ARFGEF2: variants seen among roughly 807,000 people sequenced by gnomAD.
The protein encoded by ARFGEF2 is ARF guanine nucleotide exchange factor 2.
In ARFGEF2, 74 loss-of-function variants were observed where a neutral mutation model predicts 219.9. The observed-to-expected ratio is 0.34, with a 90% CI of 0.28 to 0.41. ARFGEF2 has a LOEUF of 0.41. ARFGEF2 is among the 10% of genes least tolerant of loss of function. The pLI is 1.00. For missense variants in ARFGEF2, 1,743 were observed against 2,218.3 expected, an observed-to-expected ratio of 0.79 and a Z score of 4.30; for synonymous variants, 733 against 799.2, an observed-to-expected ratio of 0.92 and a Z score of 1.40.
chr20:48,944,819 C>G (rs963228996), intron 3 of ARFGEF2, among the ~76,000 whole-genome samples: 2 of 152,108 alleles, frequency 1.3e-5, no homozygotes, highest in Non-Finnish European at 2.9e-5. Flanking sequence ...GGGTCATCAG[C>G]TTTGGCCCAT....
intron 6 of ARFGEF2, among the ~76,000 whole-genome samples, chr20:48,958,440 CT>C (rs557036219): frequency 1.2e-3 from 173 of 143,944 alleles, no homozygotes; most frequent in Middle Eastern, 0.011. Flanking sequence ...CTCTGATGTT[CT>C]TTTTTTTTTT....
intron 4 of ARFGEF2, among the ~76,000 whole-genome samples, chr20:48,951,968 T>A (rs1372941769): frequency 2.0e-5 from 3 of 152,134 alleles, no homozygotes; most frequent in Non-Finnish European, 4.4e-5. Flanking sequence ...CCATGCTAGA[T>A]AAACCTTTCT....
chr20:48,953,822 A>G (rs2091089060), intron 6 of ARFGEF2, 32 bp downstream of exon 6: 2 of 1,599,088 alleles, frequency 1.3e-6, no homozygotes, highest in South Asian at 1.1e-5. Context: ...CTCTTTTTCC[A>G]AGTGTGAGAG....
At chr20:48,959,071 A>C (rs1043392223) in intron 6 of ARFGEF2, among the ~76,000 whole-genome samples, 10 of 152,154 alleles carry the variant, frequency 6.6e-5, no homozygotes, top group Admixed American at 6.5e-4. Flanking sequence ...GTTGGCAGCT[A>C]ATTCAGAAGT....
intron 11 of ARFGEF2, 58 bp downstream of exon 11, chr20:48,972,483 C>G (rs2091234549): frequency 5.3e-6 from 7 of 1,328,286 alleles, no homozygotes; most frequent in Non-Finnish European, 7.6e-6. Context: ...TTTGCCACAG[C>G]TCAGATTAAG....
rs540209152 is a variant in ARFGEF2 at position 49,000,182 on chromosome 20, A to T, written c.3432+1677A>T. ...CTCCCCTGAAATGAAGCATTGTCAT[A>T]TGTAGGCTTGCTTCTAACTTGGTGC... On this transcript the variant is annotated intron_variant, in intron 25 of 38. Coordinates refer to ENST00000371917, the MANE Select transcript of ARFGEF2 (RefSeq NM_006420.3). Among the ~76,000 whole-genome samples the T allele has an allele frequency of 1.3e-5, 2 of 152,354 alleles. 1 individual carries two copies. Among genetic ancestry groups the T allele is most frequent in the South Asian group, 4.1e-4 (2 of 4,826 alleles).
chr20:48,965,229 G>T (rs936570886), intron 7 of ARFGEF2, among the ~76,000 whole-genome samples: 4 of 152,132 alleles, frequency 2.6e-5, no homozygotes, highest in Non-Finnish European at 5.9e-5. Context: ...TACATAATTG[G>T]CACTTGATAA....
intron 36 of ARFGEF2, among the ~76,000 whole-genome samples, chr20:49,027,565 G>A (rs1013501855): frequency 8.5e-5 from 13 of 152,078 alleles, no homozygotes; most frequent in Admixed American, 6.5e-5. Flanking sequence ...GCGTGGTGGC[G>A]TGCGCTTGTA....
Position 48,972,424 on chromosome 20 carries a change from A to G in ARFGEF2, c.1524A>G (p.Ala508=). 6.2e-7 allele frequency: 1 copy of G among 1,611,858 alleles called. No individual in the cohort carries two copies. The highest frequency in any genetic ancestry group is 8.5e-7 in the Non-Finnish European group (1 of 1,177,942). ...MVIQTLTRIC[A]DAQCVVDIYV... ...TTCAGACTCTGACGAGGATCTGTGC[A>G]GGTATTTCCACCTGGGGACACTCAT... The change falls in exon 11 of 39, where the codon GCA becomes GCG. Residue 508 remains alanine, a splice_region_variant and synonymous_variant. Transcript: ENST00000371917.
At chr20:48,941,098 G>C in intron 1 of ARFGEF2, 101 bp from the exon 2 acceptor site, 1 of 1,086,304 alleles carries the variant, frequency 9.2e-7, no homozygotes, top group East Asian at 2.6e-5. Flanking sequence ...TAAACATCTC[G>C]TTAACAATCT....
chr20:49,035,902 A>G lies in ARFGEF2; in HGVS notation c.*2703A>G, dbSNP rs866088124. 2.9e-6 allele frequency: 1 copy of G among 343,368 alleles called. No homozygotes were observed. Among genetic ancestry groups the G allele is most frequent in the Middle Eastern group, 7.4e-4 (1 of 1,358 alleles). The allele number at this position is 343,368 out of a possible 1,614,324, so 21.3% of individuals were successfully genotyped here. A position where few individuals can be genotyped will look rare whatever the true frequency, so the allele number is the denominator to read the frequency against. On this transcript the variant is annotated 3_prime_UTR_variant, in exon 39 of 39. Coordinates refer to ENST00000371917, the MANE Select transcript of ARFGEF2 (RefSeq NM_006420.3). ...AATATATCTTTTCCCTGTACTCCTC[A>G]TGTACAACCAAAGAACATACATTAT...
intron 1 of ARFGEF2, among the ~76,000 whole-genome samples, chr20:48,935,335 C>T (rs893816779): frequency 1.3e-5 from 2 of 152,166 alleles, no homozygotes; most frequent in African/African-American, 4.8e-5. Context: ...TTTAACAAAG[C>T]ACATCTTGCA....
intron 4 of ARFGEF2, among the ~76,000 whole-genome samples, chr20:48,952,355 C>T (rs2091076439): frequency 6.6e-6 from 1 of 151,814 alleles, no homozygotes; most frequent in Non-Finnish European, 1.5e-5. Flanking sequence ...GGGGTTTTAC[C>T]ATGTTGGCCA....
At chr20:49,028,704 C>G in intron 37 of ARFGEF2, 36 bp downstream of exon 37, 1 of 1,599,592 alleles carries the variant, frequency 6.3e-7, no homozygotes, top group East Asian at 2.2e-5. Flanking sequence ...TTTCTATCTG[C>G]TATATACAAA....
At chr20:49,025,175 T>C (rs773427068) in intron 35 of ARFGEF2, 138 bp from the exon 36 acceptor site, 1 of 889,142 alleles carries the variant, frequency 1.1e-6, no homozygotes, top group Non-Finnish European at 1.8e-6. Context: ...TGGAAATGTT[T>C]CAGGGTGTTG....
At chr20:49,003,027 G>T (rs1358658937) in intron 25 of ARFGEF2, among the ~76,000 whole-genome samples, 3 of 142,548 alleles carry the variant, frequency 2.1e-5, no homozygotes, top group African/African-American at 5.3e-5. Flanking sequence ...GAGTGCAGTG[G>T]CACCATTTTG....
intron 3 of ARFGEF2, among the ~76,000 whole-genome samples, chr20:48,945,830 C>T (rs1788474911): frequency 6.6e-6 from 1 of 152,144 alleles, no homozygotes; most frequent in African/African-American, 2.4e-5. Flanking sequence ...TGACACCTAA[C>T]TCTAGCCTGA....
At chr20:48,933,213 GA>G (rs1342573233) in intron 1 of ARFGEF2, among the ~76,000 whole-genome samples, 1 of 152,218 alleles carries the variant, frequency 6.6e-6, no homozygotes, top group East Asian at 1.9e-4. Flanking sequence ...TGGCAGTTGG[GA>G]AGGCAACGCC....
chr20:48,976,677 G>A (rs1435859888), intron 14 of ARFGEF2, among the ~76,000 whole-genome samples: 3 of 151,908 alleles, frequency 2.0e-5, no homozygotes, highest in Non-Finnish European at 4.4e-5. Context: ...GCGTGGTGGC[G>A]GGTGCCTGTA....
Sources: gnomAD v4.1 joint callset for allele counts (sites outside exome capture counted in the v4.1 genomes callset) on GRCh38, gnomAD v4.1.1 for gene constraint, MANE v1.5 for transcripts, NCBI Gene and HGNC (gene_info 2026-07-23, HGNC 2026-07-21) for gene names.